Variants in ZC3H11A observed in about 807,000 individuals in gnomAD.
ZC3H11A encodes zinc finger CCCH-type containing 11A, also known as zinc finger CCCH domain-containing protein 11A.
ZC3H11A carries 22 observed loss-of-function variants against 90.8 expected under a neutral mutation model. That is an observed-to-expected ratio of 0.24 (90% confidence interval 0.17 to 0.35). ZC3H11A has a LOEUF of 0.35. ZC3H11A is among the 10% of genes least tolerant of loss of function. The pLI, the probability that ZC3H11A is intolerant of heterozygous loss-of-function variation, is 1.00. For synonymous variants in ZC3H11A, 294 were observed against 339.8 expected, an observed-to-expected ratio of 0.87 and a Z score of 1.48; for missense variants, 701 against 964.9, an observed-to-expected ratio of 0.73 and a Z score of 3.62.
At chr1:203,796,356 T>C (rs1668495670) in intron 1 of ZC3H11A, 1 of 398,738 alleles carries the variant, frequency 2.5e-6, no homozygotes, top group East Asian at 3.6e-5. Flanking sequence ...CTTATTCCGG[T>C]ATCCTACACC....
chr1:203,820,308 G>A (rs1678123724), intron 4 of ZC3H11A, among the ~76,000 whole-genome samples: 1 of 151,518 alleles, frequency 6.6e-6, no homozygotes, highest in Non-Finnish European at 1.5e-5. Flanking sequence ...TCCTTCTGTT[G>A]AGAGCAGTTG....
rs371623456 is a variant in ZC3H11A, at chr1:203,848,386, T to C, written c.1602T>C (p.Ser534=). Residue 534 remains serine (S), a synonymous_variant, in exon 14 of 18, where the codon AGT becomes AGC. Transcript: ENST00000367210. ...QEGNEVDSQS[S]IRTEAKEASG... ...GAAATGAAGTTGATTCTCAGAGCAG[T>C]ATTAGAACAGAAGCTAAAGAGGTAA... is the stretch of plus-strand genomic sequence containing the variant. The C allele has an allele frequency of 3.1e-5, 50 of 1,611,890 alleles. No homozygotes were observed. The highest frequency in any genetic ancestry group is 4.1e-5 in the Non-Finnish European group (48 of 1,179,304).
chr1:203,816,995 T>C lies in ZC3H11A; in HGVS notation c.-76T>C, dbSNP rs1292250688. On this transcript the variant is annotated 5_prime_UTR_variant, in exon 3 of 18. Transcript: ENST00000367210. Reference sequence around the variant, plus strand: ...AAGATTAAACCCATTTCACGAGGACTTGGAGCCTGGTCCTTGCTTTGAGGA... The same window carrying C: ...AAGATTAAACCCATTTCACGAGGACCTGGAGCCTGGTCCTTGCTTTGAGGA... 6.6e-6 allele frequency: 7 copies of C among 1,067,272 alleles called. No homozygotes were observed. The highest frequency in any genetic ancestry group is 9.6e-6 in the Non-Finnish European group (7 of 727,978). 66.1% of individuals were successfully genotyped at this position (1,067,272 alleles called of 1,614,324 possible). A position where few individuals can be genotyped will look rare whatever the true frequency, so the allele number is the denominator to read the frequency against.
At chr1:203,833,515 A>T (rs911050156) in intron 9 of ZC3H11A, among the ~76,000 whole-genome samples, 1 of 151,714 alleles carries the variant, frequency 6.6e-6, no homozygotes, top group African/African-American at 2.4e-5. Context: ...TGAGTGACAG[A>T]GCAAGAGTCT....
At chr1:203,826,855 G>A (rs765594790) in intron 4 of ZC3H11A, among the ~76,000 whole-genome samples, 2 of 151,980 alleles carry the variant, frequency 1.3e-5, no homozygotes, top group African/African-American at 4.8e-5. Flanking sequence ...GTGCAAAATC[G>A]TAATCTTACA....
intron 2 of ZC3H11A, among the ~76,000 whole-genome samples, chr1:203,807,532 T>G (rs1028882598): frequency 1.6e-4 from 24 of 151,694 alleles, no homozygotes; most frequent in African/African-American, 5.6e-4. Flanking sequence ...GTTTTTTTTT[T>G]GTTGGTTTTT....
chr1:203,834,696 C>G (rs1683664372), intron 10 of ZC3H11A, among the ~76,000 whole-genome samples: 1 of 152,206 alleles, frequency 6.6e-6, no homozygotes, highest in African/African-American at 2.4e-5. Flanking sequence ...GTCGCCCACG[C>G]TGGCGTGCAC....
intron 4 of ZC3H11A, among the ~76,000 whole-genome samples, chr1:203,820,466 T>TTGTGTGTGTGTGTGTGTG (rs144962991): frequency 2.1e-4 from 28 of 136,470 alleles, no homozygotes; most frequent in Middle Eastern, 3.5e-3. Context: ...ATATCACAAA[T>TTGTGTGTGTGTGTGTGTG]TATGTGTGTG....
chr1:203,824,787 A>G (rs1477330611), intron 4 of ZC3H11A, among the ~76,000 whole-genome samples: 5 of 152,136 alleles, frequency 3.3e-5, no homozygotes, highest in South Asian at 4.1e-4. Flanking sequence ...TATAGAGAAA[A>G]TAGATTGTTA....
At chr1:203,796,501 G>A (rs985593980) in intron 1 of ZC3H11A, 4 of 398,868 alleles carry the variant, frequency 1.0e-5, no homozygotes, top group African/African-American at 6.2e-5. Flanking sequence ...TAATCGGTGC[G>A]GATTCCTATG....
intron 17 of ZC3H11A, 68 bp from the exon 18 acceptor site, chr1:203,852,070 CCGT>C: frequency 6.3e-7 from 1 of 1,581,628 alleles, no homozygotes; most frequent in Non-Finnish European, 8.6e-7. Flanking sequence ...CACTTTGTGT[CCGT>C]GAGACTAGGT....
chr1:203,827,281 T>C (rs924485739), intron 4 of ZC3H11A, among the ~76,000 whole-genome samples: 1 of 152,188 alleles, frequency 6.6e-6, no homozygotes, highest in Admixed American at 6.5e-5. Context: ...GGAGAACTAA[T>C]GTATATATTT....
intron 2 of ZC3H11A, among the ~76,000 whole-genome samples, chr1:203,813,215 GT>G (rs779153308): frequency 2.0e-4 from 29 of 148,302 alleles, no homozygotes; most frequent in Admixed American, 1.8e-3. Context: ...TTTGTTTTTT[GT>G]TTTTTTTTGG....
At chr1:203,831,260 CCTT>C (rs1333088127) in intron 8 of ZC3H11A, among the ~76,000 whole-genome samples, 3 of 151,938 alleles carry the variant, frequency 2.0e-5, no homozygotes, top group South Asian at 2.1e-4. Context: ...GTTCTAAAAA[CCTT>C]CTTTTAAGGC....
At chr1:203,839,100 A>G (rs1685287922) in intron 11 of ZC3H11A, among the ~76,000 whole-genome samples, 1 of 152,220 alleles carries the variant, frequency 6.6e-6, no homozygotes, top group Non-Finnish European at 1.5e-5. Flanking sequence ...ATGAGTTGGC[A>G]GGCTGTTAAA....
At chr1:203,836,410 T>C (rs2365980) in intron 10 of ZC3H11A, among the ~76,000 whole-genome samples, 92,623 of 151,918 alleles carry the variant, frequency 0.61, 28,691 homozygotes, top group Admixed American at 0.7. Flanking sequence ...TAAAAAACCG[T>C]TTTTAAAAAC....
intron 2 of ZC3H11A, among the ~76,000 whole-genome samples, chr1:203,813,556 A>G (rs1021276316): frequency 5.9e-5 from 9 of 152,160 alleles, no homozygotes; most frequent in Non-Finnish European, 1.2e-4. Flanking sequence ...GTCAAAGGTC[A>G]TTTGACTATG....
At chr1:203,808,784 C>T (rs868544369) in intron 2 of ZC3H11A, among the ~76,000 whole-genome samples, 3 of 152,038 alleles carry the variant, frequency 2.0e-5, no homozygotes, top group Middle Eastern at 3.2e-3. Flanking sequence ...TCTTCGTCGT[C>T]GTCATCGCCA....
intron 2 of ZC3H11A, among the ~76,000 whole-genome samples, chr1:203,809,510 GC>G (rs1397181506): frequency 6.6e-6 from 1 of 151,982 alleles, no homozygotes; most frequent in Non-Finnish European, 1.5e-5. Context: ...TTCATTTGTA[GC>G]AATGCTATAT....
Sources: gnomAD v4.1 joint callset for allele counts (sites outside exome capture counted in the v4.1 genomes callset) on GRCh38, gnomAD v4.1.1 for gene constraint, MANE v1.5 for transcripts, NCBI Gene and HGNC (gene_info 2026-07-23, HGNC 2026-07-21) for gene names.